The following GATA6 variants were observed in gnomAD, a reference collection of about 807,000 sequenced individuals.
GATA6 encodes the protein transcription factor GATA-6.
GATA6 carries 11 observed loss-of-function variants against 48.1 expected under a neutral mutation model. That is an observed-to-expected ratio of 0.23 (90% CI 0.14 to 0.38). The LOEUF is 0.38. GATA6 is among the 10% of genes least tolerant of loss of function. The pLI, the probability that GATA6 is intolerant of heterozygous loss-of-function variation, is 1.00. For missense variants in GATA6, 795 were observed against 850.3 expected, an observed-to-expected ratio of 0.93 and a Z score of 0.81; for synonymous variants, 419 against 396.1, an observed-to-expected ratio of 1.06 and a Z score of -0.69.
At chr18:22,195,925 C>G (rs897241516) in intron 6 of GATA6, among the ~76,000 whole-genome samples, 2 of 152,176 alleles carry the variant, frequency 1.3e-5, no homozygotes, top group Non-Finnish European at 2.9e-5. Flanking sequence ...CGGAGCCTTT[C>G]CCTTCTTTTG....
chr18:22,182,040 T>C (rs1282633955), intron 4 of GATA6, among the ~76,000 whole-genome samples: 3 of 152,216 alleles, frequency 2.0e-5, no homozygotes, highest in African/African-American at 4.8e-5. Flanking sequence ...TTAATAGTTA[T>C]AGTTTGAAAT....
At chr18:22,187,416 GTTGCAGTGAGCTGAGA>G (rs2033276270) in intron 6 of GATA6, among the ~76,000 whole-genome samples, 1 of 152,056 alleles carries the variant, frequency 6.6e-6, no homozygotes, top group Non-Finnish European at 1.5e-5. Flanking sequence ...GGAGTTGCAG[GTTGCAGTGAGCTGAGA>G]TTGCACCATT....
rs2033067970 is a variant in GATA6 at position 22,172,371 on chromosome 18, C to G, written c.1135+92C>G. The G allele has an allele frequency of 2.0e-6, 3 of 1,477,038 alleles. No homozygotes were observed. The South Asian group carries it at 3.9e-5, about 19-fold the overall frequency. 91.5% of individuals were successfully genotyped at this position (1,477,038 alleles called of 1,614,324 possible). A position where few individuals can be genotyped will look rare whatever the true frequency, so the allele number is the denominator to read the frequency against. On this transcript the variant is annotated intron_variant, in intron 2 of 6. Coordinates refer to ENST00000269216, the MANE Select transcript of GATA6 (RefSeq NM_005257.6). The surrounding 1 kb of genome is among the most constrained non-coding windows in gnomAD (Gnocchi z 5.2). ...AGCTGCTCCACTCGGGCCCTGTTTT[C>G]AGGACTTTCTCGTCCGGGTGCGCGG...
chr18:22,192,441 C>T (rs949309654), intron 6 of GATA6, among the ~76,000 whole-genome samples: 7 of 152,034 alleles, frequency 4.6e-5, no homozygotes, highest in East Asian at 1.9e-4. Flanking sequence ...AATTTAGAGA[C>T]GTAGAGTTAT....
At chr18:22,195,483 G>C (rs2033378850) in intron 6 of GATA6, among the ~76,000 whole-genome samples, 1 of 152,066 alleles carries the variant, frequency 6.6e-6, no homozygotes, top group South Asian at 2.1e-4. Flanking sequence ...AGTAATTGTG[G>C]GTTTTGTCAT....
chr18:22,181,297 T>G (rs1169154889), intron 3 of GATA6, among the ~76,000 whole-genome samples, 156 bp from the exon 4 acceptor site: 1 of 152,222 alleles, frequency 6.6e-6, no homozygotes, highest in East Asian at 1.9e-4. Context: ...AAAGTCAGTA[T>G]AAGTACACTG....
intron 6 of GATA6, among the ~76,000 whole-genome samples, chr18:22,199,959 G>C (rs1010491130): frequency 6.6e-6 from 1 of 151,308 alleles, no homozygotes; most frequent in African/African-American, 2.4e-5. Context: ...GCAGATAGAG[G>C]ATGTTAGCAT....
chr18:22,200,627 C>T (rs773775302), intron 6 of GATA6, 29 bp from the exon 7 acceptor site: 11 of 1,614,056 alleles, frequency 6.8e-6, no homozygotes, highest in Non-Finnish European at 9.3e-6. Context: ...ACCTTCTCGT[C>T]TCTCCTCTGT....
At chr18:22,190,389 T>C (rs1374791321) in intron 6 of GATA6, among the ~76,000 whole-genome samples, 2 of 152,234 alleles carry the variant, frequency 1.3e-5, no homozygotes, top group Non-Finnish European at 2.9e-5. Context: ...ATGCTGCGAT[T>C]TAAATCCATA....
intron 6 of GATA6, among the ~76,000 whole-genome samples, chr18:22,187,688 TCTC>T (rs371001937): frequency 1.3e-5 from 2 of 152,072 alleles, no homozygotes; most frequent in African/African-American, 4.8e-5. Context: ...TCCTCCTATT[TCTC>T]CTCCTATAAC....
At chr18:22,179,384 G>A (rs2033166658) in intron 3 of GATA6, among the ~76,000 whole-genome samples, 1 of 152,210 alleles carries the variant, frequency 6.6e-6, no homozygotes, top group Non-Finnish European at 1.5e-5. Flanking sequence ...TTCCTTGTCA[G>A]TGAGGAATAT....
intron 2 of GATA6, chr18:22,176,639 G>T: frequency 3.4e-6 from 1 of 290,068 alleles, no homozygotes. Flanking sequence ...CCTGAGAGTA[G>T]GGGTCAGGGG....
Position 22,171,608 on chromosome 18 carries a change from C to G in GATA6, c.464C>G (p.Ser155Cys). ...ATGTACCAGACCCTCGCCGCTCTCT[C>G]CAGCCAGGGTCCGGCCGCCTACGAC... ...EEMYQTLAAL[S>C]SQGPAAYDGA... Residue 155 changes from serine (S) to cysteine (C), a missense_variant, in exon 2 of 7, where the codon TCC (serine) becomes TGC (cysteine). Physicochemically the swap from Ser to Cys is moderately radical, Grantham distance 112. Around this residue, in one of 5 missense-constraint regions of GATA6, gnomAD observed 591 missense variants for 570.0 expected, o/e 1.04. Transcript: ENST00000269216. This position sits in a 1 kb window ranked among gnomAD's most constrained non-coding sequence, Gnocchi z 7.1. The G allele has an allele frequency of 6.2e-7, 1 of 1,600,724 alleles. No individual in the cohort carries two copies. The highest frequency in any genetic ancestry group is 8.5e-7 in the Non-Finnish European group (1 of 1,179,210).
At chr18:22,182,719 A>G (rs763601501) in intron 4 of GATA6, 38 bp from the exon 5 acceptor site, 9 of 1,396,320 alleles carry the variant, frequency 6.4e-6, no homozygotes, top group Admixed American at 3.5e-5. Flanking sequence ...TTTCTTCAAT[A>G]TAATATTAAA....
At position 22,182,741 on chromosome 18, in the gene GATA6, T is replaced by C. The variant is rs888176543; in HGVS notation, c.1429-16T>C. Reference sequence around the variant, plus strand: ...AATATAATATTAAATTTATGGCCTATGTGAAAATTTTTTAGGTGCCCAGAC... The same window carrying C: ...AATATAATATTAAATTTATGGCCTACGTGAAAATTTTTTAGGTGCCCAGAC... On this transcript the variant is annotated splice_polypyrimidine_tract_variant and intron_variant, in intron 4 of 6. Transcript: ENST00000269216. 3.2e-6 allele frequency: 5 copies of C among 1,583,548 alleles called. No homozygotes were observed. Among genetic ancestry groups the C allele is most frequent in the African/African-American group, 1.3e-5 (1 of 74,266 alleles).
chr18:22,187,492 A>C (rs951980546), intron 6 of GATA6, among the ~76,000 whole-genome samples: 1 of 151,906 alleles, frequency 6.6e-6, no homozygotes, highest in Non-Finnish European at 1.5e-5. Flanking sequence ...GAAAAAAAAA[A>C]AAATTTTTTT....
At chr18:22,184,502 ATTT>A (rs979216835) in intron 6 of GATA6, among the ~76,000 whole-genome samples, 3 of 149,786 alleles carry the variant, frequency 2.0e-5, no homozygotes, top group Non-Finnish European at 4.5e-5. Flanking sequence ...AATAATAATT[ATTT>A]TTTTTTTGAG....
At chr18:22,199,127 G>A (rs900755237) in intron 6 of GATA6, among the ~76,000 whole-genome samples, 1 of 152,150 alleles carries the variant, frequency 6.6e-6, no homozygotes, top group African/African-American at 2.4e-5. Flanking sequence ...TGCCCTTATG[G>A]TGAGGGTTGA....
At chr18:22,194,126 C>G (rs1354884492) in intron 6 of GATA6, among the ~76,000 whole-genome samples, 2 of 152,138 alleles carry the variant, frequency 1.3e-5, no homozygotes, top group Non-Finnish European at 2.9e-5. Flanking sequence ...ACTTCTCAGG[C>G]TAGCGGATAT....
Sources: gnomAD v4.1 joint callset for allele counts (sites outside exome capture counted in the v4.1 genomes callset) on GRCh38, gnomAD v4.1.1 for gene constraint, gnomAD v4.1.1 regional missense constraint, Gnocchi (gnomAD v3.1) non-coding constraint, MANE v1.5 for transcripts, NCBI Gene and HGNC (gene_info 2026-07-23, HGNC 2026-07-21) for gene names.